SKAP2: variants seen among roughly 807,000 people sequenced by gnomAD.
SKAP2 encodes src kinase-associated phosphoprotein 2.
SKAP2 carries 28 observed loss-of-function variants against 54.9 expected under a neutral mutation model. The observed-to-expected ratio is 0.51, with a 90% CI of 0.38 to 0.70. The LOEUF is 0.70. SKAP2 is among the 30% of genes least tolerant of loss of function. The pLI is 0.00. For missense variants in SKAP2, 356 were observed against 424.1 expected (o/e 0.84, Z 1.41); for synonymous variants, 137 against 134.3 (o/e 1.02, Z -0.14).
intron 6 of SKAP2, 81 bp from the exon 7 acceptor site, chr7:26,727,087 A>G: frequency 8.6e-7 from 1 of 1,161,624 alleles, no homozygotes; most frequent in Non-Finnish European, 1.2e-6. Context: ...TTCTTCATCA[A>G]TTCTTGGAAA....
intron 10 of SKAP2, 21 bp from the exon 11 acceptor site, chr7:26,684,869 G>T: frequency 1.4e-6 from 2 of 1,430,572 alleles, no homozygotes; most frequent in Non-Finnish European, 9.8e-7. Flanking sequence ...GAAAGAGAAA[G>T]CATGAATTAG....
At chr7:26,755,944 T>C (rs536631158) in intron 4 of SKAP2, among the ~76,000 whole-genome samples, 1 of 152,308 alleles carries the variant, frequency 6.6e-6, no homozygotes, top group East Asian at 1.9e-4. Flanking sequence ...CAAATTAAAA[T>C]GCTGTTACAT....
At chr7:26,814,988 A>G (rs989989909) in intron 4 of SKAP2, among the ~76,000 whole-genome samples, 2 of 152,148 alleles carry the variant, frequency 1.3e-5, no homozygotes, top group Non-Finnish European at 2.9e-5. Context: ...ATTCTTTTTA[A>G]TTACTGAAAC....
At chr7:26,730,751 T>C (rs989089735) in intron 6 of SKAP2, among the ~76,000 whole-genome samples, 1 of 152,156 alleles carries the variant, frequency 6.6e-6, no homozygotes, top group African/African-American at 2.4e-5. Context: ...ATTCAGCAGG[T>C]TCAAGGTAAA....
At chr7:26,724,395 A>C (rs1787651670) in intron 9 of SKAP2, among the ~76,000 whole-genome samples, 1 of 152,156 alleles carries the variant, frequency 6.6e-6, no homozygotes, top group Admixed American at 6.5e-5. Context: ...ATTAACTTAT[A>C]AAGTCACTAA....
chr7:26,861,117 A>G (rs577230446), intron 1 of SKAP2, among the ~76,000 whole-genome samples: 5 of 152,220 alleles, frequency 3.3e-5, no homozygotes, highest in African/African-American at 1.2e-4. Flanking sequence ...ATGAGGATGA[A>G]TGAGAAGGTC....
chr7:26,770,710 A>C (rs1266799359), intron 4 of SKAP2, among the ~76,000 whole-genome samples: 3 of 152,114 alleles, frequency 2.0e-5, no homozygotes, highest in African/African-American at 7.2e-5. Context: ...TAGGGTAGGG[A>C]GTTCCCTGAC....
At chr7:26,853,862 T>G (rs895888811) in intron 3 of SKAP2, among the ~76,000 whole-genome samples, 4 of 152,128 alleles carry the variant, frequency 2.6e-5, no homozygotes, top group Non-Finnish European at 5.9e-5. Flanking sequence ...CCTAACAAAT[T>G]TCTGCCACAA....
At position 26,726,249 on chromosome 7, in the gene SKAP2, G is replaced by A. The variant is rs115719574; in HGVS notation, c.595-263C>T. The stretch of plus-strand genomic sequence containing the variant: ...TTCTCTTTCATCAATGTCAAAGACA[G>A]AACTGATGAACAAAATTTGCCCTTG... On this transcript the variant is annotated intron_variant, in intron 7 of 12. Coordinates refer to ENST00000345317, the MANE Select transcript of SKAP2 (RefSeq NM_003930.5). Among the ~76,000 whole-genome samples the A allele has an allele frequency of 1.6e-3, 238 of 152,206 alleles. 2 individuals carry two copies. Among genetic ancestry groups the A allele is most frequent in the African/African-American group, 5.7e-3 (235 of 41,552 alleles).
intron 4 of SKAP2, among the ~76,000 whole-genome samples, chr7:26,839,266 TA>T (rs1178298324): frequency 6.6e-6 from 1 of 152,130 alleles, no homozygotes; most frequent in Non-Finnish European, 1.5e-5. Flanking sequence ...CCTTGAGGAT[TA>T]AAAATATGTC....
At chr7:26,725,387 C>G (rs201951838) in intron 9 of SKAP2, 41 bp downstream of exon 9, 13 of 1,482,798 alleles carry the variant, frequency 8.8e-6, no homozygotes, top group East Asian at 4.5e-5. Context: ...CACACACACA[C>G]AGCCCTAAAA....
At position 26,668,579 on chromosome 7, in the gene SKAP2, T is replaced by C. The variant is rs1346605109; in HGVS notation, c.*1087A>G. Reference sequence around the variant, plus strand: ...AAGCCTCAAATCTGCTGTTCTGCAGTGGGATGTAAATAGTATAGCAATAAG... The same window carrying C: ...AAGCCTCAAATCTGCTGTTCTGCAGCGGGATGTAAATAGTATAGCAATAAG... On this transcript the variant is annotated 3_prime_UTR_variant, in exon 13 of 13. Transcript: ENST00000345317. 1.3e-5 allele frequency: 2 copies of C among 151,672 alleles called. No homozygotes were observed. The highest frequency in any genetic ancestry group is 4.8e-5 in the African/African-American group (2 of 41,304). 9.4% of individuals were successfully genotyped at this position (151,672 alleles called of 1,614,324 possible).
chr7:26,738,780 G>T lies in SKAP2; in HGVS notation c.469+15C>A, dbSNP rs754863530. 35 of 1,482,870 alleles carry T rather than the reference G, an allele frequency of 2.4e-5. No individual in the cohort carries two copies. In the Admixed American group the frequency reaches 5.7e-4, roughly 24 times the overall value. The allele number at this position is 1,482,870 out of a possible 1,614,324, so 91.9% of individuals were successfully genotyped here. The stretch of plus-strand genomic sequence containing the variant: ...TTTTGCAATAGTAGTTGATATAATT[G>T]AACACCAACATTACCTTTATCACTT... On this transcript the variant is annotated intron_variant, in intron 6 of 12. Transcript: ENST00000345317.
intron 6 of SKAP2, among the ~76,000 whole-genome samples, chr7:26,732,896 T>C (rs1310083271): frequency 2.6e-5 from 4 of 152,198 alleles, no homozygotes; most frequent in African/African-American, 9.7e-5. Flanking sequence ...TATTTCTGCA[T>C]GTTGATGAAA....
intron 4 of SKAP2, among the ~76,000 whole-genome samples, chr7:26,796,167 C>T (rs980009810): frequency 1.3e-5 from 2 of 152,092 alleles, no homozygotes; most frequent in African/African-American, 4.8e-5. Flanking sequence ...ATACATGATG[C>T]TACGAAAAGT....
intron 4 of SKAP2, among the ~76,000 whole-genome samples, chr7:26,783,813 G>A (rs1016789979): frequency 3.9e-5 from 6 of 151,990 alleles, no homozygotes; most frequent in African/African-American, 1.5e-4. Flanking sequence ...GAGCGGGGAG[G>A]GATAGCTTTA....
At chr7:26,808,001 A>C (rs1295536695) in intron 4 of SKAP2, among the ~76,000 whole-genome samples, 1 of 152,146 alleles carries the variant, frequency 6.6e-6, no homozygotes, top group Non-Finnish European at 1.5e-5. Flanking sequence ...AAATCAAAAA[A>C]CTCATGAATT....
chr7:26,779,846 C>T (rs10486478), intron 4 of SKAP2, among the ~76,000 whole-genome samples: 25,978 of 151,840 alleles, frequency 0.17, 2,770 homozygotes, highest in Non-Finnish European at 0.23. Context: ...TACAATAATC[C>T]AATCTGCTAA....
intron 3 of SKAP2, among the ~76,000 whole-genome samples, chr7:26,852,096 G>A (rs932132744): frequency 6.6e-6 from 1 of 152,108 alleles, no homozygotes; most frequent in Non-Finnish European, 1.5e-5. Flanking sequence ...AGAGGGAAGA[G>A]AAAGGACGGG....
Sources: allele counts gnomAD v4.1 joint callset (sites outside exome capture counted in the v4.1 genomes callset), GRCh38; gene constraint gnomAD v4.1.1; transcripts MANE v1.5; gene names NCBI Gene and HGNC (gene_info 2026-07-23, HGNC 2026-07-21).